Variants in NRG3 observed in about 807,000 individuals in gnomAD.
NRG3 encodes pro-neuregulin-3, membrane-bound isoform.
A neutral mutation model predicts 66.9 loss-of-function variants in NRG3; 31 were observed. The observed-to-expected ratio is 0.46, with a 90% CI of 0.35 to 0.63. The LOEUF is 0.63. Ranked by LOEUF, NRG3 falls within the 20% of genes least tolerant of loss-of-function variation. The pLI is 0.00. For missense variants in NRG3, 910 were observed against 878.9 expected (o/e 1.04, Z -0.45); for synonymous variants, 393 against 359.4 (o/e 1.09, Z -1.06).
chr10:81,937,800 T>C (rs1848019997), intron 1 of NRG3, among the ~76,000 whole-genome samples: 1 of 152,146 alleles, frequency 6.6e-6, no homozygotes, highest in African/African-American at 2.4e-5. Flanking sequence ...TTTGGTGTGA[T>C]AGCCAAGAAA....
intron 2 of NRG3, among the ~76,000 whole-genome samples, chr10:82,654,870 T>C (rs2133917655): frequency 6.6e-6 from 1 of 152,188 alleles, no homozygotes; most frequent in Non-Finnish European, 1.5e-5. Context: ...AAGTTTGCCT[T>C]TTGATATATT....
At chr10:81,877,248 AT>A (rs1245665134) in intron 1 of NRG3, among the ~76,000 whole-genome samples, 1 of 152,132 alleles carries the variant, frequency 6.6e-6, no homozygotes, top group Non-Finnish European at 1.5e-5. Context: ...CCTTGTTCTT[AT>A]TCAAAGGAAA....
intron 1 of NRG3, among the ~76,000 whole-genome samples, chr10:81,996,922 T>C (rs1176032898): frequency 2.0e-5 from 3 of 152,136 alleles, no homozygotes; most frequent in Admixed American, 6.6e-5. Flanking sequence ...CATAAATGTC[T>C]CATAGGCATG....
intron 3 of NRG3, among the ~76,000 whole-genome samples, chr10:82,861,837 C>A (rs2064145124): frequency 6.6e-6 from 1 of 152,152 alleles, no homozygotes. Context: ...TGTACACTTG[C>A]CTCTCCTGGT....
At chr10:82,018,567 G>A (rs1373226122) in intron 1 of NRG3, among the ~76,000 whole-genome samples, 2 of 152,172 alleles carry the variant, frequency 1.3e-5, no homozygotes, top group Non-Finnish European at 2.9e-5. Context: ...CTATCCATGA[G>A]CATGGAATGT....
rs374953983 is a variant in NRG3, at chr10:82,251,850, C to G, written c.824-106889C>G. ...TGGGTGCTTTCTGGCAGTGCAATCT[C>G]CCTGTGGGGGGCTTCTTGTCCTGAC... is the stretch of plus-strand genomic sequence containing the variant. On this transcript the variant is annotated intron_variant, in intron 1 of 8. Coordinates refer to ENST00000372141, the MANE Select transcript of NRG3 (RefSeq NM_001010848.4). Among the ~76,000 whole-genome samples the G allele has an allele frequency of 2.0e-5, 3 of 152,100 alleles. No homozygotes were observed. The East Asian group carries it at 5.8e-4, about 30-fold the overall frequency.
At chr10:82,638,750 G>A (rs891607499) in intron 2 of NRG3, among the ~76,000 whole-genome samples, 1 of 151,954 alleles carries the variant, frequency 6.6e-6, no homozygotes, top group Non-Finnish European at 1.5e-5. Context: ...AGGTTCAAGT[G>A]ATTCTCCTGC....
chr10:82,630,417 G>C (rs17674800), intron 2 of NRG3, among the ~76,000 whole-genome samples: 3,693 of 148,922 alleles, frequency 0.025, 65 homozygotes, highest in Middle Eastern at 0.049. Flanking sequence ...TGGATCATAA[G>C]GAAAAGTAGA....
At chr10:81,987,414 A>G (rs943943847) in intron 1 of NRG3, among the ~76,000 whole-genome samples, 6 of 152,212 alleles carry the variant, frequency 3.9e-5, no homozygotes, top group African/African-American at 1.2e-4. Context: ...TCTGACAGAA[A>G]TAAAACCTTT....
chr10:82,540,888 C>T (rs770275240), intron 2 of NRG3, among the ~76,000 whole-genome samples: 8 of 152,152 alleles, frequency 5.3e-5, no homozygotes, highest in Non-Finnish European at 8.8e-5. Flanking sequence ...ATGTGACTAT[C>T]TTTAGAGATA....
At chr10:82,844,151 A>G (rs1489550065) in intron 3 of NRG3, among the ~76,000 whole-genome samples, 5 of 152,226 alleles carry the variant, frequency 3.3e-5, no homozygotes, top group African/African-American at 9.6e-5. Flanking sequence ...GGCAGAAATT[A>G]TAAAAGAAAG....
chr10:82,248,754 T>A (rs1323241945), intron 1 of NRG3, among the ~76,000 whole-genome samples: 2 of 152,212 alleles, frequency 1.3e-5, no homozygotes, highest in African/African-American at 4.8e-5. Context: ...TTGCTTCCAG[T>A]ACATTCTGTA....
intron 3 of NRG3, among the ~76,000 whole-genome samples, chr10:82,802,527 A>G (rs1459160280): frequency 1.3e-5 from 2 of 152,186 alleles, no homozygotes; most frequent in Admixed American, 6.5e-5. Context: ...TATGATATTT[A>G]CTCAGATATA....
chr10:82,632,213 C>T (rs756601345), intron 2 of NRG3, among the ~76,000 whole-genome samples: 5 of 152,154 alleles, frequency 3.3e-5, no homozygotes, highest in Non-Finnish European at 5.9e-5. Flanking sequence ...ATCTACCAAG[C>T]GACTGTTCAA....
At chr10:82,758,321 T>G (rs1046495141) in intron 3 of NRG3, among the ~76,000 whole-genome samples, 27 of 152,190 alleles carry the variant, frequency 1.8e-4, no homozygotes, top group African/African-American at 6.5e-4. Context: ...ATTTTAGGAC[T>G]TAAAATATAA....
intron 2 of NRG3, among the ~76,000 whole-genome samples, chr10:82,583,789 A>G (rs2046505467): frequency 6.6e-6 from 1 of 152,094 alleles, no homozygotes; most frequent in African/African-American, 2.4e-5. Flanking sequence ...GGGCCTCTAC[A>G]TTTTCATTTT....
chr10:82,779,448 T>A (rs538769087), intron 3 of NRG3, among the ~76,000 whole-genome samples: 203 of 152,208 alleles, frequency 1.3e-3, no homozygotes, highest in Non-Finnish European at 2.3e-3. Context: ...GTGCTTTCCT[T>A]TAGTTGCTCT....
intron 1 of NRG3, among the ~76,000 whole-genome samples, chr10:81,979,497 G>A (rs1358475382): frequency 6.6e-6 from 1 of 152,166 alleles, no homozygotes; most frequent in Non-Finnish European, 1.5e-5. Context: ...CCTCTGTCCT[G>A]TAATTTATCC....
chr10:82,045,978 G>A (rs1254113181), intron 1 of NRG3, among the ~76,000 whole-genome samples: 1 of 150,818 alleles, frequency 6.6e-6, no homozygotes, highest in African/African-American at 2.4e-5. Context: ...TAGTCTTGTA[G>A]TATAGTTTGA....
Sources: gnomAD v4.1 joint callset for allele counts (sites outside exome capture counted in the v4.1 genomes callset) on GRCh38, gnomAD v4.1.1 for gene constraint, MANE v1.5 for transcripts, NCBI Gene and HGNC (gene_info 2026-07-23, HGNC 2026-07-21) for gene names.